Variants in NUCB1 observed in about 807,000 individuals in gnomAD.
The protein encoded by NUCB1 is nucleobindin 1.
Under a neutral mutation model 61.2 loss-of-function variants are expected in NUCB1, and 47 were observed. The observed-to-expected ratio is 0.77, with a 90% confidence interval of 0.61 to 0.98. NUCB1 has a LOEUF of 0.98. NUCB1 is among the 50% of genes least tolerant of loss of function. The pLI is 0.00. For synonymous variants in NUCB1, 234 were observed against 243.1 expected, an observed-to-expected ratio of 0.96 and a Z score of 0.35; for missense variants, 583 against 605.3, an observed-to-expected ratio of 0.96 and a Z score of 0.39.
chr19:48,909,245 T>G (rs1220088977), intron 4 of NUCB1, among the ~76,000 whole-genome samples: 2 of 132,028 alleles, frequency 1.5e-5, no homozygotes. Context: ...TTATTATTAT[T>G]ATTATTTTTT....
chr19:48,905,740 C>T lies in NUCB1; in HGVS notation c.244-13C>T, dbSNP rs768038495. On this transcript the variant is annotated splice_polypyrimidine_tract_variant and intron_variant, in intron 3 of 12. Transcript: ENST00000405315. ...CAGGCCCCCAGGCTGACCAGGGTCT[C>T]CTCTCCTGTCAGAGCGGGAAGCTGA... 4.3e-6 allele frequency: 7 copies of T among 1,613,960 alleles called. No homozygotes were observed. The Admixed American group carries it at 1.0e-4, about 23-fold the overall frequency.
At chr19:48,901,698 G>A (rs960054194) in intron 2 of NUCB1, among the ~76,000 whole-genome samples, 1 of 152,218 alleles carries the variant, frequency 6.6e-6, no homozygotes, top group African/African-American at 2.4e-5. Context: ...AACCAAGAGA[G>A]GTGGAGGTTG....
chr19:48,914,493 G>C (rs534666928), intron 7 of NUCB1, among the ~76,000 whole-genome samples: 2 of 152,150 alleles, frequency 1.3e-5, no homozygotes, highest in African/African-American at 4.8e-5. Flanking sequence ...TCAAGACCCC[G>C]TGGATACAAC....
rs777763549 is a variant in NUCB1, at chr19:48,921,313, G to A, written c.1162G>A (p.Glu388Lys). The A allele has an allele frequency of 1.4e-5, 22 of 1,588,562 alleles. No individual in the cohort carries two copies. The highest frequency in any genetic ancestry group is 1.9e-5 in the Non-Finnish European group (22 of 1,168,108). Residue 388 changes from glutamate (E) to lysine (K), a missense_variant, in exon 11 of 13, where the codon GAG becomes AAG. Physicochemically the swap from Glu to Lys is moderately conservative, Grantham distance 56. Transcript: ENST00000405315. ...SQGRLEAQKR[E>K]LQQAVLHMEQ... ...GGGCCGCCTGGAGGCCCAGAAGAGA[G>A]AGCTGCAGCAGGTGACAGCGGGGGA...
intron 4 of NUCB1, among the ~76,000 whole-genome samples, chr19:48,906,376 C>A (rs1323849971): frequency 6.8e-6 from 1 of 146,934 alleles, no homozygotes; most frequent in African/African-American, 2.6e-5. Context: ...TGCACTCCAG[C>A]CTGGACAACA....
chr19:48,913,502 GGGA>G lies in NUCB1; in HGVS notation c.700_702del (p.Glu234del). The G allele has an allele frequency of 6.2e-7, 1 of 1,614,180 alleles. No homozygotes were observed. The highest frequency in any genetic ancestry group is 8.5e-7 in the Non-Finnish European group (1 of 1,180,020). On this transcript the variant is annotated inframe_deletion, in exon 7 of 13. Coordinates refer to ENST00000405315, the MANE Select transcript of NUCB1 (RefSeq NM_006184.6). ...AGCCAAGCCCAGTTGAAGGAGGTGT[GGGA>G]GGAGCTGGATGGACTGGACCCCAAC...
intron 2 of NUCB1, among the ~76,000 whole-genome samples, 183 bp from the exon 3 acceptor site, chr19:48,904,164 G>C (rs954244164): frequency 1.3e-5 from 2 of 152,130 alleles, no homozygotes; most frequent in Admixed American, 6.6e-5. Context: ...CACCCACTCT[G>C]GGCAGTATTG....
intron 4 of NUCB1, among the ~76,000 whole-genome samples, chr19:48,907,018 A>T (rs1200918707): frequency 1.3e-5 from 2 of 148,916 alleles, no homozygotes; most frequent in Non-Finnish European, 3.0e-5. Context: ...TCTGTCACCC[A>T]GGCTGGAGTG....
chr19:48,902,943 A>T (rs1399308704), intron 2 of NUCB1, among the ~76,000 whole-genome samples: 1 of 150,412 alleles, frequency 6.6e-6, no homozygotes, highest in Non-Finnish European at 1.5e-5. Flanking sequence ...GAATGTATAT[A>T]TATATATATA....
chr19:48,912,877 C>A (rs942205983), intron 5 of NUCB1, 134 bp from the exon 6 acceptor site: 11 of 496,084 alleles, frequency 2.2e-5, no homozygotes, highest in Non-Finnish European at 3.4e-5. Context: ...CATTAGGACA[C>A]GAGACGTAAG....
chr19:48,913,244 A>G (rs1420459959), intron 6 of NUCB1, 48 bp downstream of exon 6: 2 of 1,543,064 alleles, frequency 1.3e-6, no homozygotes, highest in Non-Finnish European at 1.8e-6. Flanking sequence ...ATCCAGTTCA[A>G]ACGCAAGACA....
intron 7 of NUCB1, among the ~76,000 whole-genome samples, chr19:48,917,100 G>T (rs2122201197): frequency 6.6e-6 from 1 of 151,960 alleles, no homozygotes; most frequent in African/African-American, 2.4e-5. Context: ...GCGTGCATCT[G>T]TAGTCCCAGC....
chr19:48,908,277 C>T (rs2037433047), intron 4 of NUCB1, among the ~76,000 whole-genome samples: 2 of 152,072 alleles, frequency 1.3e-5, no homozygotes, highest in African/African-American at 4.8e-5. Flanking sequence ...ATTACAGGTG[C>T]CCGCCACCAT....
chr19:48,911,726 C>T (rs117734023), intron 5 of NUCB1, among the ~76,000 whole-genome samples: 10 of 152,048 alleles, frequency 6.6e-5, no homozygotes, highest in East Asian at 5.8e-4. Flanking sequence ...TGATACCCAC[C>T]GTAATCTAGC....
intron 7 of NUCB1, among the ~76,000 whole-genome samples, chr19:48,917,995 G>A (rs576586585): frequency 1.3e-5 from 2 of 151,968 alleles, no homozygotes; most frequent in African/African-American, 2.4e-5. Flanking sequence ...TGTGGCTAGC[G>A]GCTACTGTAC....
intron 7 of NUCB1, among the ~76,000 whole-genome samples, chr19:48,915,647 G>A (rs143558135): frequency 1.4e-4 from 21 of 152,172 alleles, no homozygotes; most frequent in African/African-American, 3.6e-4. Context: ...CCACAGGCAC[G>A]TACCACTATG....
At position 48,904,418 on chromosome 19, in the gene NUCB1, A is replaced by G. The variant is rs562483411; in HGVS notation, c.207A>G (p.Arg69=). 1.9e-6 allele frequency: 3 copies of G among 1,611,880 alleles called. No homozygotes were observed. The African/African-American group carries it at 4.0e-5, about 22-fold the overall frequency. Reference sequence around the variant, plus strand: ...TACTGGAGACGGATGGGCATTTCCGAGAGAAGCTGCAGGCTGCCAATGCGG... The same window carrying G: ...TACTGGAGACGGATGGGCATTTCCGGGAGAAGCTGCAGGCTGCCAATGCGG... The part of the protein sequence containing the change: ...IDVLETDGHF[R]EKLQAANAED... The change falls in exon 3 of 13, where the codon CGA becomes CGG. Residue 69 remains arginine, a synonymous_variant. Coordinates refer to ENST00000405315, the MANE Select transcript of NUCB1 (RefSeq NM_006184.6).
At position 48,923,160 on chromosome 19, in the gene NUCB1, C is replaced by T. The variant is rs1490413943; in HGVS notation, c.*736C>T. ...CCAGCCCCTCAGCCTCATCTGGAGC[C>T]CCTGAAGACCAGTCCCACCCACCTT... On this transcript the variant is annotated 3_prime_UTR_variant, in exon 13 of 13. Coordinates refer to ENST00000405315, the MANE Select transcript of NUCB1 (RefSeq NM_006184.6). 6.5e-6 allele frequency: 1 copy of T among 152,862 alleles called. No individual in the cohort carries two copies. Among genetic ancestry groups the T allele is most frequent in the Non-Finnish European group, 1.5e-5 (1 of 68,620 alleles). The allele number at this position is 152,862 out of a possible 1,614,324, so 9.5% of individuals were successfully genotyped here. A position where few individuals can be genotyped will look rare whatever the true frequency, so the allele number is the denominator to read the frequency against.
rs1297410000 is a variant in NUCB1 at position 48,922,474 on chromosome 19, T to C, written c.*50T>C. 1 of 1,468,762 alleles carries C rather than the reference T, an allele frequency of 6.8e-7. No individual in the cohort carries two copies. The highest frequency in any genetic ancestry group is 9.5e-7 in the Non-Finnish European group (1 of 1,049,638). The allele number at this position is 1,468,762 out of a possible 1,614,324, so 91.0% of individuals were successfully genotyped here. A position where few individuals can be genotyped will look rare whatever the true frequency, so the allele number is the denominator to read the frequency against. ...ATTCCTGATGCTCCAAGGCGACTGA[T>C]GGGCGCTGGATGAAGTGGCACAGTC... On this transcript the variant is annotated 3_prime_UTR_variant, in exon 13 of 13. Transcript: ENST00000405315.
Sources: gnomAD v4.1 joint callset for allele counts (sites outside exome capture counted in the v4.1 genomes callset) on GRCh38, gnomAD v4.1.1 for gene constraint, MANE v1.5 for transcripts, NCBI Gene and HGNC (gene_info 2026-07-23, HGNC 2026-07-21) for gene names.